The following ZNF676 variants were observed in gnomAD, a reference collection of about 807,000 sequenced individuals.
The protein encoded by ZNF676 is zinc finger protein 676.
ZNF676 carries 4 observed loss-of-function variants against 6.0 expected under a neutral mutation model. The observed-to-expected ratio is 0.67, with a 90% CI of 0.33 to 1.53. ZNF676 has a LOEUF of 1.53. ZNF676 is among the 40% of genes most tolerant of loss of function. The pLI is 0.06. For missense variants in ZNF676, 644 were observed against 679.7 expected, an observed-to-expected ratio of 0.95 and a Z score of 0.58; for synonymous variants, 198 against 223.1, an observed-to-expected ratio of 0.89 and a Z score of 1.00.
the ZNF676 span, among the ~76,000 whole-genome samples, chr19:22,240,283 G>A: frequency 1.2e-4 from 18 of 150,244 alleles, no homozygotes; most frequent in East Asian, 1.5e-3. Flanking sequence ...GGCATGGCCT[G>A]GTCAGAAGAG....
At chr19:22,197,702 T>G (rs1352046613), upstream of ZNF676, among the ~76,000 whole-genome samples, 1 of 152,210 alleles carries the variant, frequency 6.6e-6, no homozygotes, top group African/African-American at 2.4e-5. Flanking sequence ...TTAAATGTTT[T>G]GGTTTATTCA....
the ZNF676 span, among the ~76,000 whole-genome samples, chr19:22,233,168 A>G: frequency 3.7e-4 from 57 of 152,168 alleles, no homozygotes; most frequent in African/African-American, 1.3e-3. Flanking sequence ...CATGCTCATA[A>G]TAATTGCAGC....
chr19:22,235,113 C>CAGGAAGGAAGGA, the ZNF676 span, among the ~76,000 whole-genome samples: 258 of 102,698 alleles, frequency 2.5e-3, no homozygotes, highest in African/African-American at 9.6e-3. Context: ...GTCAGGAAGG[C>CAGGAAGGAAGGA]AGGAAGGCAG....
chr19:22,202,444 G>T (rs548869105), intron 1 of ZNF676, among the ~76,000 whole-genome samples: 3 of 152,210 alleles, frequency 2.0e-5, no homozygotes, highest in Non-Finnish European at 2.9e-5. Context: ...AATTGTGAAT[G>T]GACTGGAAGC....
chr19:22,204,871 T>C (rs1016374799), intron 1 of ZNF676, among the ~76,000 whole-genome samples: 1 of 152,214 alleles, frequency 6.6e-6, no homozygotes, highest in East Asian at 1.9e-4. Flanking sequence ...GTTTGTTTCA[T>C]TTCTAATATG....
At chr19:22,209,034 G>A (rs1347642936) in intron 1 of ZNF676, among the ~76,000 whole-genome samples, 1 of 152,176 alleles carries the variant, frequency 6.6e-6, no homozygotes, top group Non-Finnish European at 1.5e-5. Flanking sequence ...GGGAGGCCAA[G>A]GCGGCAGATC....
At chr19:22,252,962 G>A in the ZNF676 span, among the ~76,000 whole-genome samples, 1 of 152,168 alleles carries the variant, frequency 6.6e-6, no homozygotes, top group Non-Finnish European at 1.5e-5. Context: ...TCATGTCTTG[G>A]TTCTAGGTAT....
the ZNF676 span, among the ~76,000 whole-genome samples, chr19:22,241,373 G>C: frequency 6.6e-6 from 1 of 151,914 alleles, no homozygotes; most frequent in African/African-American, 2.4e-5. Flanking sequence ...CCTGAAGACT[G>C]TGTCCCCTTA....
chr19:22,196,650 T>C lies in ZNF676; in HGVS notation c.-17A>G. 4 of 1,613,758 alleles carry C rather than the reference T, an allele frequency of 2.5e-6. No homozygotes were observed. Among genetic ancestry groups the C allele is most frequent in the Middle Eastern group, 3.3e-4 (2 of 6,058 alleles). On this transcript the variant is annotated 5_prime_UTR_variant, in exon 1 of 3. Coordinates refer to ENST00000397121, the MANE Select transcript of ZNF676 (RefSeq NM_001001411.3). ...CTCTAACATCACATTCCTATATAAA[T>C]TCTGCTGTGTAGAATCCAGGCATTG... is the stretch of plus-strand genomic sequence containing the variant.
chr19:22,244,010 C>A, the ZNF676 span: 1 of 151,540 alleles, frequency 6.6e-6, no homozygotes, highest in Non-Finnish European at 1.5e-5. Context: ...TGAAACACAC[C>A]AAAGATTGGT....
chr19:22,257,049 A>G, the ZNF676 span, among the ~76,000 whole-genome samples: 5 of 151,888 alleles, frequency 3.3e-5, no homozygotes, highest in Non-Finnish European at 7.4e-5. Context: ...TGTCACAATA[A>G]CTCCTGAGGG....
chr19:22,235,872 G>A, the ZNF676 span, among the ~76,000 whole-genome samples: 14 of 151,544 alleles, frequency 9.2e-5, no homozygotes, highest in African/African-American at 3.4e-4. Context: ...ACAGAGAAAA[G>A]GGCATTTGCT....
the ZNF676 span, among the ~76,000 whole-genome samples, chr19:22,242,249 A>T: frequency 2.0e-5 from 3 of 151,886 alleles, no homozygotes; most frequent in South Asian, 4.1e-4. Flanking sequence ...GAAAGGGTAA[A>T]ATCACAATCA....
At chr19:22,215,485 T>C in intron 1 of ZNF676, 1 of 929,420 alleles carries the variant, frequency 1.1e-6, no homozygotes, top group Non-Finnish European at 1.6e-6. Flanking sequence ...AGCCGCCATC[T>C]TATGGCTGAA....
chr19:22,220,200 T>C (rs990075036), upstream of ZNF676, among the ~76,000 whole-genome samples: 26 of 152,228 alleles, frequency 1.7e-4, no homozygotes, highest in African/African-American at 6.3e-4. Flanking sequence ...CTTATTAATA[T>C]GTTGCTGTGT....
At chr19:22,217,692 C>CTGTTTGTTTGTT (rs112661841), upstream of ZNF676, among the ~76,000 whole-genome samples, 263 of 147,696 alleles carry the variant, frequency 1.8e-3, 1 homozygote, top group East Asian at 4.1e-3. Context: ...ATGGTCTTTT[C>CTGTTTGTTTGTT]TGTTTGTTTG....
chr19:22,184,000 T>C (rs1280355969), intron 2 of ZNF676, among the ~76,000 whole-genome samples: 1 of 152,196 alleles, frequency 6.6e-6, no homozygotes, highest in Non-Finnish European at 1.5e-5. Context: ...AGGAGATCAA[T>C]ATAATTATAG....
At chr19:22,241,693 A>T in the ZNF676 span, among the ~76,000 whole-genome samples, 1 of 151,940 alleles carries the variant, frequency 6.6e-6, no homozygotes, top group South Asian at 2.1e-4. Context: ...TGCTGGTATG[A>T]ACCCATGATT....
At chr19:22,199,975 T>C (rs2024007678), upstream of ZNF676, among the ~76,000 whole-genome samples, 1 of 152,286 alleles carries the variant, frequency 6.6e-6, no homozygotes, top group Admixed American at 6.5e-5. Context: ...CTCTGATCTC[T>C]TCTAATCAGT....
Sources: gnomAD v4.1 joint callset for allele counts (sites outside exome capture counted in the v4.1 genomes callset) on GRCh38, gnomAD v4.1.1 for gene constraint, MANE v1.5 for transcripts, NCBI Gene and HGNC (gene_info 2026-07-23, HGNC 2026-07-21) for gene names.